SRGAP2B: variants seen among roughly 807,000 people sequenced by gnomAD.
SRGAP2B encodes SLIT-ROBO Rho GTPase-activating protein 2B.
A neutral mutation model predicts 22.2 loss-of-function variants in SRGAP2B; 9 were observed. The observed-to-expected ratio is 0.41, with a 90% confidence interval of 0.24 to 0.71. SRGAP2B has a LOEUF of 0.71. Ranked by LOEUF, SRGAP2B falls within the 30% of genes least tolerant of loss-of-function variation. SRGAP2B has a pLI of 0.35. For synonymous variants in SRGAP2B, 36 were observed against 87.4 expected (o/e 0.41, Z 3.28); for missense variants, 114 against 235.8 (o/e 0.48, Z 3.38).
At chr1:145,036,024 G>T (rs1188312489) in intron 2 of SRGAP2B, among the ~76,000 whole-genome samples, 1 of 134,582 alleles carries the variant, frequency 7.4e-6, no homozygotes, top group Non-Finnish European at 1.6e-5. Flanking sequence ...TAATACATGC[G>T]AACAAAAGCA....
chr1:144,990,663 G>A lies in SRGAP2B; in HGVS notation c.260+4345C>T, dbSNP rs9439329. On this transcript the variant is annotated intron_variant, in intron 3 of 9. Transcript: ENST00000612199. ...GAGGTGTGGAGGGAGAGGCACGAGC[G>A]GGAACCGGGGCTGCGTGCGGCGCTT... is the stretch of plus-strand genomic sequence containing the variant. 4.2e-3 allele frequency among the ~76,000 whole-genome samples: 631 copies of A among 149,242 alleles called. 34 individuals carry two copies. Among genetic ancestry groups the A allele is most frequent in the African/African-American group, 0.016 (612 of 39,398 alleles).
At chr1:144,989,130 C>T (rs1489013628) in intron 3 of SRGAP2B, among the ~76,000 whole-genome samples, 3 of 127,058 alleles carry the variant, frequency 2.4e-5, no homozygotes, top group African/African-American at 9.8e-5. Context: ...TAAAATGCTG[C>T]CACACCCAAT....
At chr1:145,067,084 T>A (rs1651583552) in intron 2 of SRGAP2B, among the ~76,000 whole-genome samples, 1 of 146,996 alleles carries the variant, frequency 6.8e-6, no homozygotes. Context: ...AGGCCGGGAG[T>A]TCAAGACCAG....
chr1:144,916,057 A>G (rs1570735451), intron 4 of SRGAP2B, among the ~76,000 whole-genome samples: 1 of 149,524 alleles, frequency 6.7e-6, no homozygotes, highest in East Asian at 1.9e-4. Flanking sequence ...TTCAAGGTAC[A>G]TACATCTCTA....
At chr1:144,906,055 A>C in exon 6 of SRGAP2B, 1 of 707,988 alleles carries the variant, frequency 1.4e-6, no homozygotes, top group Non-Finnish European at 2.6e-6. Context: ...GGCATTGTAC[A>C]TGTGATATGT....
At chr1:144,909,136 C>T (rs1330229548) in intron 5 of SRGAP2B, among the ~76,000 whole-genome samples, 8 of 149,976 alleles carry the variant, frequency 5.3e-5, no homozygotes, top group East Asian at 1.9e-4. Flanking sequence ...AAGCTGAAGC[C>T]GAAAAGCGGG....
intron 3 of SRGAP2B, among the ~76,000 whole-genome samples, chr1:144,975,429 A>G (rs1489096838): frequency 2.0e-5 from 3 of 149,050 alleles, no homozygotes; most frequent in East Asian, 3.9e-4. Flanking sequence ...TCCTTCATGA[A>G]TAAGATTAAT....
intron 4 of SRGAP2B, among the ~76,000 whole-genome samples, chr1:144,955,102 C>G (rs1410920865): frequency 2.0e-5 from 3 of 150,234 alleles, no homozygotes; most frequent in Non-Finnish European, 4.4e-5. Flanking sequence ...GCAAATGGTT[C>G]CTTTCCCAAG....
intron 4 of SRGAP2B, among the ~76,000 whole-genome samples, chr1:144,926,599 G>C (rs1239586910): frequency 6.6e-6 from 1 of 151,550 alleles, no homozygotes; most frequent in Non-Finnish European, 1.5e-5. Context: ...GCTCATGCCT[G>C]TAACCGCAGC....
At chr1:144,916,196 G>A (rs1303264539) in intron 4 of SRGAP2B, among the ~76,000 whole-genome samples, 1 of 146,100 alleles carries the variant, frequency 6.8e-6, no homozygotes, top group African/African-American at 2.6e-5. Context: ...ACCACTCTAA[G>A]TGTTGTTATG....
chr1:144,966,807 A>C (rs199530359), intron 3 of SRGAP2B, among the ~76,000 whole-genome samples: 1 of 149,434 alleles, frequency 6.7e-6, no homozygotes, highest in Non-Finnish European at 1.5e-5. Context: ...TCTACCAAGC[A>C]AATGGAAAAC....
exon 10 of SRGAP2B, chr1:144,889,267 A>G (rs1307312376): frequency 1.4e-5 from 2 of 147,204 alleles, no homozygotes; most frequent in African/African-American, 5.3e-5. Context: ...TTTATTTTTT[A>G]ATTTTTCAAA....
At chr1:144,965,730 T>G (rs1471169224) in intron 3 of SRGAP2B, among the ~76,000 whole-genome samples, 1 of 138,004 alleles carries the variant, frequency 7.2e-6, no homozygotes, top group Non-Finnish European at 1.5e-5. Flanking sequence ...GCAAAGAAGT[T>G]GAAAACTTTG....
At chr1:144,971,302 G>A (rs1553613215) in intron 3 of SRGAP2B, among the ~76,000 whole-genome samples, 1 of 148,650 alleles carries the variant, frequency 6.7e-6, no homozygotes, top group African/African-American at 2.6e-5. Flanking sequence ...GGCTAATTTT[G>A]TGTTTTTTAG....
At chr1:144,965,188 C>A (rs187282525) in intron 3 of SRGAP2B, 3 of 1,040,464 alleles carry the variant, frequency 2.9e-6, no homozygotes, top group East Asian at 2.5e-5. Flanking sequence ...GGAACAGCTC[C>A]GGTCTACAGC....
chr1:144,931,432 AG>A (rs1665173318), intron 4 of SRGAP2B, among the ~76,000 whole-genome samples: 1 of 150,796 alleles, frequency 6.6e-6, no homozygotes, highest in African/African-American at 2.5e-5. Context: ...GATAGGGGGA[AG>A]AAAGGCCATA....
chr1:144,917,713 T>C (rs1284203454), intron 4 of SRGAP2B, among the ~76,000 whole-genome samples: 1 of 138,366 alleles, frequency 7.2e-6, no homozygotes, highest in East Asian at 2.0e-4. Context: ...TGGCTGAGGG[T>C]TGGGCTGGGA....
At chr1:145,009,587 CAAA>C (rs142447274) in intron 2 of SRGAP2B, among the ~76,000 whole-genome samples, 1 of 79,562 alleles carries the variant, frequency 1.3e-5, no homozygotes. Flanking sequence ...GACTCCGTCT[CAAA>C]AAAAAAAAAA....
At chr1:144,909,744 G>T (rs1282880448) in intron 5 of SRGAP2B, among the ~76,000 whole-genome samples, 1 of 150,378 alleles carries the variant, frequency 6.6e-6, no homozygotes, top group Admixed American at 6.6e-5. Context: ...AACTTCAACA[G>T]GAGGATTAGC....
Sources: gnomAD v4.1 joint callset for allele counts (sites outside exome capture counted in the v4.1 genomes callset) on GRCh38, gnomAD v4.1.1 for gene constraint, MANE v1.5 for transcripts, NCBI Gene and HGNC (gene_info 2026-07-23, HGNC 2026-07-21) for gene names.